The following PREX2 variants were observed in gnomAD, a reference collection of about 807,000 sequenced individuals.
The protein encoded by PREX2 is phosphatidylinositol-3,4,5-trisphosphate dependent Rac exchange factor 2.
In PREX2, 107 loss-of-function variants were observed where a neutral mutation model predicts 203.2. The ratio of observed to expected loss-of-function variants is 0.53; its 90% CI spans 0.45 to 0.62. The LOEUF is 0.62. PREX2 is among the 20% of genes least tolerant of loss of function. PREX2 has a pLI of 0.00. For synonymous variants in PREX2, 672 were observed against 663.6 expected, an observed-to-expected ratio of 1.01 and a Z score of -0.19; for missense variants, 1,777 against 1,955.9, an observed-to-expected ratio of 0.91 and a Z score of 1.72.
At chr8:68,135,665 G>A (rs1012218359) in intron 32 of PREX2, among the ~76,000 whole-genome samples, 1 of 152,122 alleles carries the variant, frequency 6.6e-6, no homozygotes, top group Admixed American at 6.6e-5. Flanking sequence ...AACTGGTTTG[G>A]CAGTTCTTCA....
At chr8:68,104,388 G>C (rs192517953) in intron 23 of PREX2, among the ~76,000 whole-genome samples, 1 of 152,004 alleles carries the variant, frequency 6.6e-6, no homozygotes, top group Non-Finnish European at 1.5e-5. Context: ...TCTCACTGCC[G>C]CTCTGGTCAC....
chr8:68,037,296 C>T (rs957174876), intron 6 of PREX2, among the ~76,000 whole-genome samples: 1 of 152,082 alleles, frequency 6.6e-6, no homozygotes, highest in African/African-American at 2.4e-5. Flanking sequence ...TTATGGAAAA[C>T]GTCCTTTTTC....
In PREX2 at chr8:68,186,068, T is replaced by A. The variant is rs866620675; in HGVS notation, c.4347-5654T>A. On this transcript the variant is annotated intron_variant, in intron 35 of 39. Transcript: ENST00000288368. ...ATATTTATGTCCTGTCCACAGTTTG[T>A]CAAATTCTGAAAGATACTGAAGTTC... is the stretch of plus-strand genomic sequence containing the variant. 1.3e-4 allele frequency among the ~76,000 whole-genome samples: 20 copies of A among 152,168 alleles called. 1 individual carries two copies. The highest frequency in any genetic ancestry group is 4.6e-4 in the Admixed American group (7 of 15,284).
At chr8:68,127,471 G>A (rs1162663307) in intron 31 of PREX2, 52 bp downstream of exon 31, 1 of 1,287,316 alleles carries the variant, frequency 7.8e-7, no homozygotes, top group South Asian at 1.2e-5. Context: ...TGTGGCCCAG[G>A]ATCATAAAGG....
chr8:67,990,734 A>T (rs1349233723), intron 1 of PREX2, among the ~76,000 whole-genome samples: 1 of 151,880 alleles, frequency 6.6e-6, no homozygotes, highest in Non-Finnish European at 1.5e-5. Flanking sequence ...GCTGGTCTCA[A>T]ACTCTTGACC....
At chr8:68,207,624 C>T (rs993752841) in intron 37 of PREX2, among the ~76,000 whole-genome samples, 3 of 152,010 alleles carry the variant, frequency 2.0e-5, no homozygotes, top group African/African-American at 4.8e-5. Context: ...ATAAATGACA[C>T]GCTATACTTC....
chr8:67,955,349 A>C (rs144597821), intron 1 of PREX2, among the ~76,000 whole-genome samples: 23 of 152,104 alleles, frequency 1.5e-4, no homozygotes, highest in Non-Finnish European at 3.1e-4. Context: ...GTCTATCTGC[A>C]TCTTCTCTGT....
intron 21 of PREX2, among the ~76,000 whole-genome samples, chr8:68,096,764 CCA>C (rs1810089530): frequency 6.6e-6 from 1 of 152,056 alleles, no homozygotes; most frequent in African/African-American, 2.4e-5. Flanking sequence ...GACATATGGT[CCA>C]CAGATTGAAG....
rs1811323273 is a variant in PREX2, at chr8:68,146,236, G to A, written c.4115G>A (p.Gly1372Glu). Reference protein sequence around the residue: ...ANVPLTYQAEGSRQALKVYFY... With the variant: ...ANVPLTYQAEESRQALKVYFY... The stretch of plus-strand genomic sequence containing the variant: ...GTTCCTCTTACATATCAAGCAGAAG[G>A]AAGTCGGCAAGCTCTGAAAGTTTAC... Residue 1372 changes from glycine to glutamate, a missense_variant, in exon 34 of 40, where the codon GGA becomes GAA. Gly to Glu is a moderately conservative substitution (Grantham distance 98). Transcript: ENST00000288368. 6.2e-7 allele frequency: 1 copy of A among 1,610,086 alleles called. No individual in the cohort carries two copies. Among genetic ancestry groups the A allele is most frequent in the South Asian group, 1.1e-5 (1 of 90,850 alleles).
In PREX2 at chr8:68,115,828, C is replaced by T; in HGVS notation, c.3222C>T (p.Asp1074=). 6.2e-7 allele frequency: 1 copy of T among 1,613,296 alleles called. No individual in the cohort carries two copies. Residue 1074 remains aspartate, a synonymous_variant, in exon 26 of 40, where the codon GAC becomes GAT. Coordinates refer to ENST00000288368, the MANE Select transcript of PREX2 (RefSeq NM_024870.4). The part of the protein sequence containing the change: ...TSEGIIPTDS[D]NEKGERNSKR... ...AGGGCATAATACCAACAGACAGTGA[C>T]AATGAGAAGGGAGAAAGAAACAGCA...
At chr8:67,961,515 C>A (rs1360392455) in intron 1 of PREX2, among the ~76,000 whole-genome samples, 1 of 151,954 alleles carries the variant, frequency 6.6e-6, no homozygotes, top group East Asian at 1.9e-4. Context: ...CTCAAACAAT[C>A]AAAAATTCAG....
intron 8 of PREX2, among the ~76,000 whole-genome samples, chr8:68,047,548 G>C (rs1001146453): frequency 1.1e-3 from 148 of 137,244 alleles, no homozygotes; most frequent in Non-Finnish European, 3.7e-4. Flanking sequence ...AGCATGCTTA[G>C]AACTTTTTCC....
At chr8:68,113,284 A>G (rs563578224) in intron 25 of PREX2, among the ~76,000 whole-genome samples, 6 of 152,242 alleles carry the variant, frequency 3.9e-5, no homozygotes, top group Non-Finnish European at 8.8e-5. Context: ...CAATTCATAT[A>G]ACTTTGAAAA....
intron 30 of PREX2, among the ~76,000 whole-genome samples, chr8:68,127,023 A>G: frequency 6.6e-6 from 1 of 152,036 alleles, no homozygotes; most frequent in East Asian, 1.9e-4. Flanking sequence ...AGCTTGCAGA[A>G]CACCAAGCAG....
intron 11 of PREX2, among the ~76,000 whole-genome samples, chr8:68,067,555 A>G (rs1449733004): frequency 2.0e-5 from 3 of 151,948 alleles, no homozygotes; most frequent in Non-Finnish European, 4.4e-5. Context: ...CATTGTTAGT[A>G]TATGGAGACA....
At chr8:68,195,352 C>A (rs1376388017) in intron 37 of PREX2, among the ~76,000 whole-genome samples, 1 of 152,186 alleles carries the variant, frequency 6.6e-6, no homozygotes, top group Non-Finnish European at 1.5e-5. Context: ...AGTTAATTCA[C>A]TTCACGAGAC....
rs1342428065 is a variant in PREX2, at chr8:68,176,842, A to C, written c.4347-14880A>C. ...TAGAAAAGACGTAGAAGTAACTTGC[A>C]TGAAATAGCTATGCAAAATGCAACT... is the stretch of plus-strand genomic sequence containing the variant. On this transcript the variant is annotated intron_variant, in intron 35 of 39. Transcript: ENST00000288368. 2.0e-5 allele frequency: 3 copies of C among 152,202 alleles called. No individual in the cohort carries two copies. In the South Asian group the frequency reaches 6.2e-4, roughly 32 times the overall value. The allele number at this position is 152,202 out of a possible 1,614,324, so 9.4% of individuals were successfully genotyped here. A position where few individuals can be genotyped will look rare whatever the true frequency, so the allele number is the denominator to read the frequency against.
At chr8:68,141,055 C>T (rs1811220027) in intron 33 of PREX2, among the ~76,000 whole-genome samples, 1 of 151,980 alleles carries the variant, frequency 6.6e-6, no homozygotes, top group Non-Finnish European at 1.5e-5. Context: ...TTAAACAAGG[C>T]TTTTTTGGCA....
intron 39 of PREX2, among the ~76,000 whole-genome samples, chr8:68,228,446 G>T (rs1328165549): frequency 6.6e-6 from 1 of 151,838 alleles, no homozygotes. Context: ...AACAAAGCAA[G>T]ACCCTGTCTT....
Sources: gnomAD v4.1 joint callset for allele counts (sites outside exome capture counted in the v4.1 genomes callset) on GRCh38, gnomAD v4.1.1 for gene constraint, MANE v1.5 for transcripts, NCBI Gene and HGNC (gene_info 2026-07-23, HGNC 2026-07-21) for gene names.